Variants in CLIP4 observed in about 807,000 individuals in gnomAD.
CLIP4 encodes the protein CAP-Gly domain containing linker protein family member 4, also known as CAP-Gly domain-containing linker protein 4.
Under a neutral mutation model 73.1 loss-of-function variants are expected in CLIP4, and 47 were observed. The observed-to-expected ratio is 0.64, with a 90% CI of 0.51 to 0.82. The LOEUF (loss-of-function observed/expected upper bound fraction) is 0.82, where lower values mean the gene tolerates loss of function less well. Among genes scored for constraint, CLIP4 ranks in the 40% least tolerant of loss-of-function variants. CLIP4 has a pLI of 0.00. For synonymous variants in CLIP4, 306 were observed against 295.4 expected (o/e 1.04, Z -0.37); for missense variants, 874 against 852.9 (o/e 1.02, Z -0.31).
chr2:29,166,022 C>T (rs1667592470), intron 13 of CLIP4, among the ~76,000 whole-genome samples: 1 of 151,630 alleles, frequency 6.6e-6, no homozygotes, highest in East Asian at 1.9e-4. Flanking sequence ...CTATCTCAAT[C>T]CAGCTGTCTT....
At chr2:29,128,861 T>G (rs1397252261) in intron 2 of CLIP4, among the ~76,000 whole-genome samples, 1 of 152,172 alleles carries the variant, frequency 6.6e-6, no homozygotes, top group Admixed American at 6.6e-5. Context: ...GAGAAATCTA[T>G]GTAAATACAC....
chr2:29,160,536 A>T, intron 12 of CLIP4, 69 bp downstream of exon 12: 1 of 1,526,674 alleles, frequency 6.6e-7, no homozygotes, highest in South Asian at 1.2e-5. Flanking sequence ...TTTACATGTA[A>T]ATAGAATTTA....
intron 9 of CLIP4, among the ~76,000 whole-genome samples, chr2:29,155,452 C>A (rs1447444967): frequency 6.6e-6 from 1 of 152,088 alleles, no homozygotes; most frequent in Non-Finnish European, 1.5e-5. Flanking sequence ...CTGTGGAAAT[C>A]TCAGACTGGT....
chr2:29,153,518 C>A (rs996447491), intron 9 of CLIP4, among the ~76,000 whole-genome samples: 1 of 152,064 alleles, frequency 6.6e-6, no homozygotes, highest in African/African-American at 2.4e-5. Context: ...CCATACCACC[C>A]AATTGTTATT....
upstream of CLIP4, chr2:29,115,057 C>T (rs1436245580): frequency 1.3e-5 from 2 of 152,454 alleles, no homozygotes; most frequent in African/African-American, 4.8e-5. This position sits in a 1 kb window ranked among gnomAD's most constrained non-coding sequence, Gnocchi z 5.1. Flanking sequence ...GGGTGTAGCA[C>T]GGATTAGGCC....
chr2:29,138,450 C>T (rs1665527647), intron 6 of CLIP4, among the ~76,000 whole-genome samples: 1 of 146,642 alleles, frequency 6.8e-6, no homozygotes, highest in South Asian at 2.1e-4. Context: ...CCTCTGGCTT[C>T]TGTTCTTTCT....
At chr2:29,130,837 AC>A in intron 2 of CLIP4, 4 of 1,289,384 alleles carry the variant, frequency 3.1e-6, no homozygotes, top group Non-Finnish European at 4.0e-6. Context: ...AAACAAAAAA[AC>A]CTCAATGAGT....
At chr2:29,144,032 T>C (rs981723995) in intron 7 of CLIP4, 87 bp downstream of exon 7, 1 of 1,131,518 alleles carries the variant, frequency 8.8e-7, no homozygotes, top group African/African-American at 1.5e-5. Flanking sequence ...GAGTTTTGAG[T>C]TTTTGAAAAA....
chr2:29,142,332 C>T (rs777715901), intron 6 of CLIP4, among the ~76,000 whole-genome samples: 5 of 150,764 alleles, frequency 3.3e-5, no homozygotes, highest in African/African-American at 4.9e-5. Flanking sequence ...ACAGAAGTTT[C>T]GATTGTTGAA....
intron 3 of CLIP4, 27 bp from the exon 4 acceptor site, chr2:29,132,125 T>C: frequency 6.4e-7 from 1 of 1,572,300 alleles, no homozygotes; most frequent in African/African-American, 1.3e-5. Flanking sequence ...AGTTAGGTTG[T>C]AACCATATTT....
At chr2:29,143,996 C>A in intron 7 of CLIP4, 51 bp downstream of exon 7, 3 of 1,477,350 alleles carry the variant, frequency 2.0e-6, no homozygotes, top group Non-Finnish European at 1.9e-6. Context: ...TGTCCATGAC[C>A]TATGTTCAAG....
intron 15 of CLIP4, among the ~76,000 whole-genome samples, chr2:29,177,881 C>T (rs777311231): frequency 6.6e-6 from 1 of 152,118 alleles, no homozygotes; most frequent in Non-Finnish European, 1.5e-5. Context: ...TCAAACATAC[C>T]ATAATTCTAA....
intron 9 of CLIP4, among the ~76,000 whole-genome samples, chr2:29,153,208 C>T (rs1048148963): frequency 4.6e-5 from 7 of 152,010 alleles, no homozygotes; most frequent in Non-Finnish European, 8.8e-5. Context: ...CTAGCAGTTG[C>T]GGCTCTCTTT....
In CLIP4 at chr2:29,183,439, T is replaced by G. The variant is rs922445023; in HGVS notation, c.*1546T>G. ...GTAATCAAGGAATATTTTTATTGAT[T>G]GAAGGAAATGACTGTACTGCGATTC... On this transcript the variant is annotated 3_prime_UTR_variant, in exon 16 of 16. Transcript: ENST00000320081. 6.6e-6 allele frequency: 1 copy of G among 152,648 alleles called. No homozygotes were observed. Among genetic ancestry groups the G allele is most frequent in the Non-Finnish European group, 1.5e-5 (1 of 68,042 alleles). The allele number at this position is 152,648 out of a possible 1,614,324, so 9.5% of individuals were successfully genotyped here.
intron 1 of CLIP4, among the ~76,000 whole-genome samples, chr2:29,098,411 C>T (rs146837764): frequency 1.4e-4 from 21 of 152,206 alleles, no homozygotes; most frequent in Admixed American, 5.2e-4. Flanking sequence ...TCATCCTTCC[C>T]GCTCTCTTTC....
chr2:29,122,142 C>CATATTAGTAG (rs1308065702), intron 2 of CLIP4, among the ~76,000 whole-genome samples: 1 of 151,894 alleles, frequency 6.6e-6, no homozygotes, highest in African/African-American at 2.4e-5. Context: ...ACAATTTTTA[C>CATATTAGTAG]ATATTAGTAG....
chr2:29,138,184 A>G (rs1040980724), intron 6 of CLIP4, among the ~76,000 whole-genome samples: 17 of 152,148 alleles, frequency 1.1e-4, no homozygotes, highest in African/African-American at 3.9e-4. Context: ...ATTTTTGTAT[A>G]TAGTGAGTAG....
chr2:29,168,512 C>CTTTTTTTTT (rs35201336), intron 14 of CLIP4, among the ~76,000 whole-genome samples: 1 of 66,778 alleles, frequency 1.5e-5, no homozygotes, highest in African/African-American at 6.6e-5. Context: ...ATGGTTTGCC[C>CTTTTTTTTT]TTTTTTTTTT....
intron 2 of CLIP4, chr2:29,130,839 C>T: frequency 7.8e-7 from 1 of 1,288,834 alleles, no homozygotes; most frequent in East Asian, 5.6e-5. Context: ...ACAAAAAAAC[C>T]TCAATGAGTC....
Sources: allele counts gnomAD v4.1 joint callset (sites outside exome capture counted in the v4.1 genomes callset), GRCh38; gene constraint gnomAD v4.1.1; non-coding constraint Gnocchi (gnomAD v3.1); transcripts MANE v1.5; gene names NCBI Gene and HGNC (gene_info 2026-07-23, HGNC 2026-07-21).